Variants in DNAH12 observed in about 807,000 individuals in gnomAD.
DNAH12 encodes the protein axonemal beta dynein heavy chain 12.
DNAH12 carries 285 observed loss-of-function variants against 371.5 expected under a neutral mutation model. That is an observed-to-expected ratio of 0.77 (90% confidence interval 0.70 to 0.85). DNAH12 has a LOEUF of 0.85. Ranked by LOEUF, DNAH12 falls within the 40% of genes least tolerant of loss-of-function variation. DNAH12 has a pLI of 0.00. For missense variants in DNAH12, 3,611 were observed against 3,689.4 expected (o/e 0.98, Z 0.55); for synonymous variants, 1,200 against 1,213.0 (o/e 0.99, Z 0.22).
chr3:57,480,601 G>T (rs9683163), intron 13 of DNAH12, among the ~76,000 whole-genome samples: 99,069 of 148,968 alleles, frequency 0.67, 33,195 homozygotes, highest in South Asian at 0.75. Flanking sequence ...TACCAAAGCC[G>T]GGAAGAGACA....
rs13327594 is a variant in DNAH12, at chr3:57,421,633, G to A, written c.5447C>T (p.Thr1816Ile). ...TCCCAGTATGATTAATCGTATGAAA[G>A]TATCAAAAACACGACGGCCATCTGT... ...CDTDGRRVFD[T>I]FIRLIILGKD... is the part of the protein sequence containing the mutation. The change falls in exon 36 of 74, where the codon ACT becomes ATT. Residue 1816 changes from threonine to isoleucine, a missense_variant. By Grantham distance (89) the Thr-to-Ile change is moderately conservative. Coordinates refer to ENST00000495027, the MANE Select transcript of DNAH12 (RefSeq NM_001366028.2). The A allele has an allele frequency of 1.3e-6, 2 of 1,551,590 alleles. No homozygotes were observed. Among genetic ancestry groups the A allele is most frequent in the East Asian group, 4.9e-5 (2 of 40,904 alleles).
chr3:57,293,940 G>A lies in DNAH12; in HGVS notation c.11724C>T (p.Ala3908=), dbSNP rs748549309. The A allele has an allele frequency of 5.6e-6, 8 of 1,438,278 alleles. No individual in the cohort carries two copies. The South Asian group carries it at 1.2e-4, about 21-fold the overall frequency. 89.1% of individuals were successfully genotyped at this position (1,438,278 alleles called of 1,614,324 possible). A position where few individuals can be genotyped will look rare whatever the true frequency, so the allele number is the denominator to read the frequency against. ...TQKSRIIKSD[A]YVCPLYKTSE... Reference sequence around the variant, plus strand: ...TTGTCTTGTAGAGGGGACAGACATAGGCATCCGACTTTATAATCCGAGATT... The same window carrying A: ...TTGTCTTGTAGAGGGGACAGACATAAGCATCCGACTTTATAATCCGAGATT... Residue 3908 remains alanine (A), a synonymous_variant, in exon 74 of 74, where the codon GCC becomes GCT. Transcript: ENST00000495027.
intron 43 of DNAH12, among the ~76,000 whole-genome samples, chr3:57,395,952 T>G (rs2063728082): frequency 6.6e-6 from 1 of 151,320 alleles, no homozygotes; most frequent in South Asian, 2.1e-4. Context: ...GTGAGACATC[T>G]CACTCTGTCT....
chr3:57,445,259 T>C lies in DNAH12; in HGVS notation c.4340A>G (p.Asp1447Gly). 1 of 1,551,504 alleles carries C rather than the reference T, an allele frequency of 6.4e-7. No homozygotes were observed. The highest frequency in any genetic ancestry group is 2.0e-5 in the Admixed American group (1 of 51,004). The change falls in exon 28 of 74, where the codon GAC becomes GGC. Residue 1447 changes from aspartate (D) to glycine (G), a missense_variant. This residue lies in a region of DNAH12 where 2,266 missense variants were observed against 2,236.9 expected (regional missense o/e 1.01). Coordinates refer to ENST00000495027, the MANE Select transcript of DNAH12 (RefSeq NM_001366028.2). ...SEQLSSQFHY[D>G]YGMRAVKAVL... ...GGCTTTTACTGCTCGCATTCCATAG[T>C]CGTAATGAAATTGCGATGAGAGCTG...
At chr3:57,403,701 CTAAT>C (rs1343235005) in intron 42 of DNAH12, among the ~76,000 whole-genome samples, 200 bp from the exon 43 acceptor site, 4 of 152,006 alleles carry the variant, frequency 2.6e-5, no homozygotes, top group African/African-American at 9.7e-5. Flanking sequence ...TAGGGGAAAA[CTAAT>C]TAAAAGTTCA....
rs186187943 is a variant in DNAH12 at position 57,405,871 on chromosome 3, C to T, written c.6358G>A (p.Val2120Ile). 5.2e-4 allele frequency: 805 copies of T among 1,551,266 alleles called. 3 individuals are homozygous for T. The African/African-American group carries it at 8.6e-3, about 16-fold the overall frequency. ...YTFNLRDFSR[V>I]IRGCLLIERD... ...TCAATGAGTAAACAGCCCCGGATGA[C>T]GCGTGAAAAATCACGCAAGTTGAAA... is the stretch of plus-strand genomic sequence containing the variant. Residue 2120 changes from valine (V) to isoleucine (I), a missense_variant, in exon 41 of 74, where the codon GTC (valine) becomes ATC (isoleucine). By Grantham distance (29) the Val-to-Ile change is conservative. This residue lies in a region of DNAH12 where 2,266 missense variants were observed against 2,236.9 expected (regional missense o/e 1.01). Coordinates refer to ENST00000495027, the MANE Select transcript of DNAH12 (RefSeq NM_001366028.2).
chr3:57,320,984 A>G (rs2061792435), intron 65 of DNAH12, among the ~76,000 whole-genome samples: 1 of 152,210 alleles, frequency 6.6e-6, no homozygotes, highest in Non-Finnish European at 1.5e-5. Context: ...AACAAATCCC[A>G]ATACTTACGG....
chr3:57,317,094 A>G (rs1166891566), intron 65 of DNAH12, among the ~76,000 whole-genome samples: 1 of 152,132 alleles, frequency 6.6e-6, no homozygotes, highest in East Asian at 1.9e-4. Context: ...GTGGTCAATA[A>G]ATGTTTGCCC....
intron 60 of DNAH12, among the ~76,000 whole-genome samples, chr3:57,348,471 A>T (rs1048875281): frequency 3.9e-5 from 6 of 152,182 alleles, no homozygotes; most frequent in Non-Finnish European, 8.8e-5. Context: ...ACCCAGAGTG[A>T]AGCCTGATGT....
In DNAH12 at chr3:57,428,643, T is replaced by C; in HGVS notation, c.5243A>G (p.Lys1748Arg). The change falls in exon 34 of 74, where the codon AAA becomes AGA. Residue 1748 changes from lysine to arginine, a missense_variant. By Grantham distance (26) the Lys-to-Arg change is conservative. Around this residue, in one of 3 missense-constraint regions of DNAH12, gnomAD observed 2,266 missense variants for 2,236.9 expected, o/e 1.01. Transcript: ENST00000495027. ...LIPPSLNQRK[K>R]KCKELIPTSN... Reference sequence around the variant, plus strand: ...GAATTATAGGATTACCTTGCATTTTTTCTTACGCTGGTTTAAAGAGGGTGG... The same window carrying C: ...GAATTATAGGATTACCTTGCATTTTCTCTTACGCTGGTTTAAAGAGGGTGG... 1 of 1,530,006 alleles carries C rather than the reference T, an allele frequency of 6.5e-7. No homozygotes were observed. Among genetic ancestry groups the C allele is most frequent in the Admixed American group, 2.3e-5 (1 of 43,856 alleles). 94.8% of individuals were successfully genotyped at this position (1,530,006 alleles called of 1,614,324 possible).
At chr3:57,346,772 A>G (rs2062553154) in intron 60 of DNAH12, among the ~76,000 whole-genome samples, 1 of 152,160 alleles carries the variant, frequency 6.6e-6, no homozygotes, top group Non-Finnish European at 1.5e-5. Flanking sequence ...AGAAAGATAT[A>G]CCATGCTAAC....
chr3:57,346,465 G>C (rs1553658083), intron 60 of DNAH12, among the ~76,000 whole-genome samples: 2 of 152,012 alleles, frequency 1.3e-5, no homozygotes, highest in Non-Finnish European at 2.9e-5. Flanking sequence ...GATCTGCTAA[G>C]AGAAGAGAAA....
intron 2 of DNAH12, among the ~76,000 whole-genome samples, chr3:57,524,296 T>C (rs1575731288): frequency 6.6e-6 from 1 of 152,186 alleles, no homozygotes; most frequent in East Asian, 1.9e-4. Flanking sequence ...GCACTTACCA[T>C]CGTTTGATAT....
chr3:57,463,821 G>A (rs1270803901), intron 17 of DNAH12, among the ~76,000 whole-genome samples: 1 of 152,028 alleles, frequency 6.6e-6, no homozygotes, highest in Non-Finnish European at 1.5e-5. Flanking sequence ...AGGCTGGAGT[G>A]CAGTGATGCG....
intron 45 of DNAH12, among the ~76,000 whole-genome samples, chr3:57,390,547 A>G (rs2063602154): frequency 6.8e-6 from 1 of 146,108 alleles, no homozygotes; most frequent in African/African-American, 2.5e-5. Flanking sequence ...AAATAGGCAA[A>G]GAGAATAAAA....
At chr3:57,415,311 G>T (rs2064334280) in intron 38 of DNAH12, 115 bp downstream of exon 38, 2 of 1,359,374 alleles carry the variant, frequency 1.5e-6, no homozygotes, top group Admixed American at 3.3e-5. Flanking sequence ...CCAAACATTT[G>T]AAAGTTTTAA....
At chr3:57,419,739 T>C (rs2064507307) in intron 36 of DNAH12, among the ~76,000 whole-genome samples, 2 of 152,164 alleles carry the variant, frequency 1.3e-5, no homozygotes, top group Admixed American at 6.6e-5. Context: ...AAAAAATATA[T>C]TTTTTCAATT....
At chr3:57,431,963 T>C (rs961865168) in intron 32 of DNAH12, among the ~76,000 whole-genome samples, 2 of 152,226 alleles carry the variant, frequency 1.3e-5, no homozygotes, top group African/African-American at 2.4e-5. Flanking sequence ...CACTCACCTA[T>C]AGCTGTCTTT....
intron 65 of DNAH12, among the ~76,000 whole-genome samples, chr3:57,320,976 C>T (rs1282471044): frequency 1.3e-5 from 2 of 152,198 alleles, no homozygotes. Context: ...GATATCCCAA[C>T]AAATCCCAAT....
Sources: allele counts gnomAD v4.1 joint callset (sites outside exome capture counted in the v4.1 genomes callset), GRCh38; gene constraint gnomAD v4.1.1; regional missense constraint gnomAD v4.1.1; transcripts MANE v1.5; gene names NCBI Gene and HGNC (gene_info 2026-07-23, HGNC 2026-07-21).